Variants in DEK observed in about 807,000 individuals in gnomAD.
DEK encodes the protein protein DEK.
In DEK, 28 loss-of-function variants were observed where a neutral mutation model predicts 46.8. The ratio of observed to expected loss-of-function variants is 0.60; its 90% CI spans 0.44 to 0.82. The LOEUF is 0.82. DEK is among the 40% of genes least tolerant of loss of function. The probability of loss-of-function intolerance (pLI) is 0.00; values close to 1 mark genes in which losing one functional copy is unlikely to be tolerated. For synonymous variants in DEK, 160 were observed against 144.5 expected, an observed-to-expected ratio of 1.11 and a Z score of -0.77; for missense variants, 416 against 430.6, an observed-to-expected ratio of 0.97 and a Z score of 0.30.
At chr6:18,259,007 A>G (rs1254791818) in intron 2 of DEK, among the ~76,000 whole-genome samples, 10 of 152,146 alleles carry the variant, frequency 6.6e-5, no homozygotes, top group Non-Finnish European at 1.2e-4. Context: ...AATGATGACC[A>G]TAAGTCACTC....
At chr6:18,229,994 C>A (rs1790336751) in intron 9 of DEK, among the ~76,000 whole-genome samples, 1 of 152,140 alleles carries the variant, frequency 6.6e-6, no homozygotes. Flanking sequence ...TCGGGTTACC[C>A]ACAAAGGGAA....
At chr6:18,235,700 G>C (rs531901734) in intron 9 of DEK, among the ~76,000 whole-genome samples, 3 of 152,098 alleles carry the variant, frequency 2.0e-5, no homozygotes, top group African/African-American at 4.8e-5. Context: ...TGCTGCCCAG[G>C]TTGGTCTTGA....
chr6:18,251,558 A>G (rs1791374835), intron 6 of DEK, among the ~76,000 whole-genome samples: 1 of 152,238 alleles, frequency 6.6e-6, no homozygotes, highest in Admixed American at 6.5e-5. Context: ...TGGTGGATCA[A>G]AGACATTTCT....
intron 6 of DEK, among the ~76,000 whole-genome samples, chr6:18,254,257 G>A (rs547696232): frequency 3.1e-4 from 47 of 152,176 alleles, no homozygotes; most frequent in African/African-American, 9.9e-4. Context: ...CTTGAACCTG[G>A]GAGACAGTGG....
intron 7 of DEK, among the ~76,000 whole-genome samples, chr6:18,240,753 C>G (rs1337455900): frequency 6.6e-6 from 1 of 152,160 alleles, no homozygotes; most frequent in Non-Finnish European, 1.5e-5. Flanking sequence ...GCCAGAGGTT[C>G]AAGACCAGCC....
chr6:18,234,643 A>G (rs1432179183), intron 9 of DEK, among the ~76,000 whole-genome samples: 1 of 152,100 alleles, frequency 6.6e-6, no homozygotes, highest in Non-Finnish European at 1.5e-5. Flanking sequence ...GAATTCCTTC[A>G]ATTTTCTGAC....
At chr6:18,250,568 CTTTTTTTTT>C (rs70974716) in intron 6 of DEK, among the ~76,000 whole-genome samples, 58 of 62,860 alleles carry the variant, frequency 9.2e-4, no homozygotes, top group East Asian at 4.8e-3. Flanking sequence ...GGAGAAAAAC[CTTTTTTTTT>C]TTTTTTTTTT....
chr6:18,262,562 G>A lies in DEK; in HGVS notation c.145+1281C>T, dbSNP rs1314698990. Reference sequence around the variant, plus strand: ...CTTTCAACTACCAACTCTTCCCCAAGCATTACTGTGTTGGCCACTTACAGT... The same window carrying A: ...CTTTCAACTACCAACTCTTCCCCAAACATTACTGTGTTGGCCACTTACAGT... On this transcript the variant is annotated intron_variant, in intron 2 of 10. Coordinates refer to ENST00000652689, the MANE Select transcript of DEK (RefSeq NM_003472.4). 2.0e-5 allele frequency among the ~76,000 whole-genome samples: 3 copies of A among 152,196 alleles called. No homozygotes were observed. The South Asian group carries it at 6.2e-4, about 32-fold the overall frequency.
At position 18,264,477 on chromosome 6, in the gene DEK, C is replaced by G; in HGVS notation, c.-102G>C. ...CGACGCCGAGGAGAAGGCGCGCGGG[C>G]CGCTGTCTGGCGTGACGCTCGCGCC... On this transcript the variant is annotated 5_prime_UTR_variant, in exon 1 of 11. Transcript: ENST00000652689. 3.5e-6 allele frequency: 1 copy of G among 282,772 alleles called. No homozygotes were observed. The highest frequency in any genetic ancestry group is 7.1e-6 in the Non-Finnish European group (1 of 140,522). The allele number at this position is 282,772 out of a possible 1,614,324, so 17.5% of individuals were successfully genotyped here.
intron 2 of DEK, among the ~76,000 whole-genome samples, chr6:18,262,153 G>A (rs1043494258): frequency 1.6e-4 from 25 of 152,078 alleles, no homozygotes; most frequent in African/African-American, 5.8e-4. Context: ...TTTGTCTTCT[G>A]CCATGATTGG....
chr6:18,227,833 T>A (rs1432311063), intron 9 of DEK, among the ~76,000 whole-genome samples: 1 of 152,126 alleles, frequency 6.6e-6, no homozygotes, highest in African/African-American at 2.4e-5. Context: ...AGGGAAAACT[T>A]CTTTCTTCTC....
intron 7 of DEK, among the ~76,000 whole-genome samples, chr6:18,246,137 T>C (rs1461790700): frequency 6.6e-6 from 1 of 152,200 alleles, no homozygotes; most frequent in African/African-American, 2.4e-5. Flanking sequence ...ATTTTAGCAA[T>C]CCTGCCCTGA....
At chr6:18,249,990 G>A in intron 6 of DEK, 151 bp from the exon 7 acceptor site, 1 of 1,262,054 alleles carries the variant, frequency 7.9e-7, no homozygotes, top group Non-Finnish European at 1.0e-6. Context: ...CTTTAACCGT[G>A]TCAGGTTAAC....
At chr6:18,227,762 T>C (rs1024883686) in intron 9 of DEK, among the ~76,000 whole-genome samples, 2 of 152,198 alleles carry the variant, frequency 1.3e-5, no homozygotes, top group South Asian at 2.1e-4. Flanking sequence ...AACATCCAGA[T>C]AGATCTTAGA....
At chr6:18,230,523 G>A (rs534992858) in intron 9 of DEK, among the ~76,000 whole-genome samples, 2 of 152,278 alleles carry the variant, frequency 1.3e-5, no homozygotes, top group South Asian at 2.1e-4. Flanking sequence ...AAAATGAAGG[G>A]ATGGAGGAAG....
intron 9 of DEK, among the ~76,000 whole-genome samples, chr6:18,226,832 A>T (rs1239168844): frequency 6.6e-6 from 1 of 151,890 alleles, no homozygotes. Flanking sequence ...ACCACAGGAG[A>T]CTCCATTTTG....
chr6:18,233,027 C>G (rs1247646893), intron 9 of DEK, among the ~76,000 whole-genome samples: 2 of 152,032 alleles, frequency 1.3e-5, no homozygotes, highest in African/African-American at 4.8e-5. Context: ...CAGAACAGAG[C>G]CCTCGGAAAT....
At chr6:18,229,977 A>T (rs1021506335) in intron 9 of DEK, among the ~76,000 whole-genome samples, 17 of 152,254 alleles carry the variant, frequency 1.1e-4, no homozygotes, top group Non-Finnish European at 2.4e-4. Context: ...GCAGCCAGAG[A>T]GAAAGGTCGG....
At chr6:18,230,456 C>T (rs1337164284) in intron 9 of DEK, among the ~76,000 whole-genome samples, 1 of 151,792 alleles carries the variant, frequency 6.6e-6, no homozygotes, top group African/African-American at 2.4e-5. Context: ...GAGTCAAGAC[C>T]CATCAGTGTG....
Sources: gnomAD v4.1 joint callset for allele counts (sites outside exome capture counted in the v4.1 genomes callset) on GRCh38, gnomAD v4.1.1 for gene constraint, MANE v1.5 for transcripts, NCBI Gene and HGNC (gene_info 2026-07-23, HGNC 2026-07-21) for gene names.